ADGRL2: variants seen among roughly 807,000 people sequenced by gnomAD.
ADGRL2 encodes adhesion G protein-coupled receptor L2, also known as calcium-independent alpha-latrotoxin receptor 2.
In ADGRL2, 44 loss-of-function variants were observed where a neutral mutation model predicts 157.4. That is an observed-to-expected ratio of 0.28 (90% CI 0.22 to 0.36). The LOEUF (loss-of-function observed/expected upper bound fraction) is 0.36. ADGRL2 is among the 10% of genes least tolerant of loss of function. The pLI, the probability that ADGRL2 is intolerant of heterozygous loss-of-function variation, is 1.00. For missense variants in ADGRL2, 1,510 were observed against 1,768.9 expected (o/e 0.85, Z 2.63); for synonymous variants, 585 against 624.7 (o/e 0.94, Z 0.95).
At chr1:81,934,171 A>C (rs2148822281) in intron 3 of ADGRL2, among the ~76,000 whole-genome samples, 1 of 152,210 alleles carries the variant, frequency 6.6e-6, no homozygotes, top group South Asian at 2.1e-4. Context: ...TAAATCAATA[A>C]AAATTATGTG....
At chr1:81,507,852 C>A (rs577731129) in intron 2 of ADGRL2, among the ~76,000 whole-genome samples, 2 of 152,274 alleles carry the variant, frequency 1.3e-5, no homozygotes, top group African/African-American at 4.8e-5. Flanking sequence ...GAAATATTTT[C>A]TGCCTTTAGA....
intron 6 of ADGRL2, among the ~76,000 whole-genome samples, chr1:81,948,396 T>A (rs1405668674): frequency 6.6e-6 from 1 of 152,158 alleles, no homozygotes; most frequent in African/African-American, 2.4e-5. Flanking sequence ...AACAAATCAC[T>A]AATTGTAGTA....
At chr1:81,652,708 C>A (rs1570741222) in intron 3 of ADGRL2, among the ~76,000 whole-genome samples, 2 of 152,126 alleles carry the variant, frequency 1.3e-5, no homozygotes, top group Middle Eastern at 6.8e-3. Flanking sequence ...CTATATGAAA[C>A]AAATATGCAA....
intron 1 of ADGRL2, among the ~76,000 whole-genome samples, chr1:81,386,136 T>G (rs2076431059): frequency 1.3e-5 from 2 of 152,182 alleles, no homozygotes; most frequent in Admixed American, 1.3e-4. Flanking sequence ...TTCTATTCTT[T>G]ACCATAAAAA....
chr1:81,467,516 C>T (rs991557575), intron 2 of ADGRL2, among the ~76,000 whole-genome samples: 1 of 152,144 alleles, frequency 6.6e-6, no homozygotes, highest in Non-Finnish European at 1.5e-5. Context: ...TTACCTTAGC[C>T]GGTTTTAGCT....
At chr1:81,397,160 G>A (rs1445226864) in intron 1 of ADGRL2, among the ~76,000 whole-genome samples, 3 of 151,842 alleles carry the variant, frequency 2.0e-5, no homozygotes, top group Non-Finnish European at 2.9e-5. Flanking sequence ...AATTTGGTCA[G>A]GTTTTCTATT....
chr1:81,692,001 T>C (rs2083349678), intron 3 of ADGRL2, among the ~76,000 whole-genome samples: 1 of 151,056 alleles, frequency 6.6e-6, no homozygotes. Context: ...TATATACACA[T>C]ACACTTTCAT....
intron 2 of ADGRL2, among the ~76,000 whole-genome samples, chr1:81,880,014 G>A (rs190947423): frequency 1.3e-5 from 2 of 152,276 alleles, no homozygotes; most frequent in Admixed American, 1.3e-4. Flanking sequence ...GCGATAGAGT[G>A]AGACATTGTA....
intron 2 of ADGRL2, among the ~76,000 whole-genome samples, chr1:81,869,256 C>T (rs985970781): frequency 1.3e-5 from 2 of 151,746 alleles, no homozygotes; most frequent in Non-Finnish European, 2.9e-5. Flanking sequence ...TTTTCACCTT[C>T]GAAGTTTCTT....
At chr1:81,495,696 G>A (rs1359100515) in intron 2 of ADGRL2, among the ~76,000 whole-genome samples, 1 of 152,084 alleles carries the variant, frequency 6.6e-6, no homozygotes, top group Non-Finnish European at 1.5e-5. Context: ...TTTAAAAGGG[G>A]AAAAATTTCA....
At chr1:81,711,522 A>C (rs562544203) in intron 1 of ADGRL2, among the ~76,000 whole-genome samples, 3 of 152,202 alleles carry the variant, frequency 2.0e-5, no homozygotes, top group Non-Finnish European at 4.4e-5. Context: ...ATTTCTTAAA[A>C]TTAGCAATGA....
chr1:81,399,801 T>C (rs1387402517), intron 1 of ADGRL2, among the ~76,000 whole-genome samples: 1 of 152,212 alleles, frequency 6.6e-6, no homozygotes, highest in Non-Finnish European at 1.5e-5. Context: ...TCATTGGATC[T>C]GTAACTAGAC....
rs971808037 is a variant in ADGRL2, at chr1:81,643,273, C to G, written c.-143+62293C>G. On this transcript the variant is annotated intron_variant, in intron 3 of 24. Transcript: ENST00000370721. The stretch of plus-strand genomic sequence containing the variant: ...ACAAGGTTAACACACAAAAGTCAAT[C>G]ACTTCTCAATATACCAGCAATGAAC... Among the ~76,000 whole-genome samples the G allele has an allele frequency of 2.0e-5, 3 of 152,140 alleles. No individual in the cohort carries two copies. The South Asian group carries it at 6.2e-4, about 32-fold the overall frequency.
intron 2 of ADGRL2, among the ~76,000 whole-genome samples, chr1:81,473,695 G>A (rs2078217084): frequency 6.6e-6 from 1 of 152,092 alleles, no homozygotes; most frequent in African/African-American, 2.4e-5. Context: ...ACTAGCTGGA[G>A]AGTCAAGAAT....
chr1:81,628,772 A>G (rs142148943), intron 3 of ADGRL2, among the ~76,000 whole-genome samples: 2 of 152,220 alleles, frequency 1.3e-5, no homozygotes, highest in African/African-American at 4.8e-5. Flanking sequence ...AATGGCATGC[A>G]TATGTTATAA....
intron 1 of ADGRL2, among the ~76,000 whole-genome samples, chr1:81,751,809 T>C (rs1203780564): frequency 2.0e-5 from 3 of 152,218 alleles, no homozygotes; most frequent in African/African-American, 4.8e-5. Context: ...GTTGACACAT[T>C]ACTCTCAAAT....
chr1:81,329,616 A>G (rs1252584492), intron 1 of ADGRL2, among the ~76,000 whole-genome samples: 3 of 152,202 alleles, frequency 2.0e-5, no homozygotes, highest in Admixed American at 1.3e-4. Flanking sequence ...CCTGAGCAGC[A>G]TCATACTTTA....
intron 3 of ADGRL2, among the ~76,000 whole-genome samples, chr1:81,646,109 A>G (rs1215765589): frequency 6.6e-6 from 1 of 152,088 alleles, no homozygotes; most frequent in Non-Finnish European, 1.5e-5. Flanking sequence ...CGACTCCCAT[A>G]TGGCCTCATG....
intron 1 of ADGRL2, among the ~76,000 whole-genome samples, chr1:81,310,430 A>C: frequency 6.6e-6 from 1 of 152,094 alleles, no homozygotes; most frequent in East Asian, 1.9e-4. Flanking sequence ...ATAAACAAAA[A>C]CCCAAACATC....
Sources: allele counts gnomAD v4.1 joint callset (sites outside exome capture counted in the v4.1 genomes callset), GRCh38; gene constraint gnomAD v4.1.1; transcripts MANE v1.5; gene names NCBI Gene and HGNC (gene_info 2026-07-23, HGNC 2026-07-21).